ALDH1L2: variants seen among roughly 807,000 people sequenced by gnomAD.
ALDH1L2 encodes the protein aldehyde dehydrogenase 1 family member L2.
Under a neutral mutation model 111.0 loss-of-function variants are expected in ALDH1L2, and 91 were observed. That is an observed-to-expected ratio of 0.82 (90% CI 0.69 to 0.98). The LOEUF (loss-of-function observed/expected upper bound fraction) is 0.98. Ranked by LOEUF, ALDH1L2 falls within the 50% of genes least tolerant of loss-of-function variation. The pLI is 0.00. For missense variants in ALDH1L2, 995 were observed against 1,126.8 expected (o/e 0.88, Z 1.67); for synonymous variants, 374 against 392.6 (o/e 0.95, Z 0.56).
At chr12:105,032,298 C>T (rs1874755040) in intron 19 of ALDH1L2, among the ~76,000 whole-genome samples, 1 of 151,608 alleles carries the variant, frequency 6.6e-6, no homozygotes, top group South Asian at 2.1e-4. Flanking sequence ...ATGTCTCAGC[C>T]TCCTGAGTAG....
intron 18 of ALDH1L2, 113 bp from the exon 19 acceptor site, chr12:105,034,511 A>T (rs1438681988): frequency 3.6e-6 from 3 of 832,890 alleles, no homozygotes; most frequent in Non-Finnish European, 5.7e-6. Context: ...CAATATAGAT[A>T]AGTCACAGAC....
At chr12:105,061,487 G>C in intron 8 of ALDH1L2, 140 bp downstream of exon 8, 1 of 1,251,788 alleles carries the variant, frequency 8.0e-7, no homozygotes, top group Non-Finnish European at 1.1e-6. Flanking sequence ...TGAATTTGGA[G>C]GTTGATTTCC....
chr12:105,047,070 C>G (rs772373698), intron 13 of ALDH1L2, 101 bp from the exon 14 acceptor site: 48 of 1,333,010 alleles, frequency 3.6e-5, no homozygotes, highest in Non-Finnish European at 4.8e-5. Flanking sequence ...TTTTTGTTAG[C>G]TGATATGAAA....
At position 105,024,198 on chromosome 12, in the gene ALDH1L2, A is replaced by G; in HGVS notation, c.*226T>C. 1 of 595,920 alleles carries G rather than the reference A, an allele frequency of 1.7e-6. No homozygotes were observed. The highest frequency in any genetic ancestry group is 3.0e-6 in the Non-Finnish European group (1 of 334,602). 36.9% of individuals were successfully genotyped at this position (595,920 alleles called of 1,614,324 possible). A position where few individuals can be genotyped will look rare whatever the true frequency, so the allele number is the denominator to read the frequency against. ...TTGGTATTTTAGAAATACGTATGAT[A>G]TACAACATAGTCAAAATGCAACAAC... On this transcript the variant is annotated 3_prime_UTR_variant, in exon 23 of 23. Transcript: ENST00000258494.
At position 105,026,584 on chromosome 12, in the gene ALDH1L2, A is replaced by G. The variant is rs757590264; in HGVS notation, c.2677T>C (p.Phe893Leu). The change falls in exon 22 of 23, where the codon TTT becomes CTT. Residue 893 changes from phenylalanine to leucine, a missense_variant. By Grantham distance (22) the Phe-to-Leu change is conservative. Coordinates refer to ENST00000258494, the MANE Select transcript of ALDH1L2 (RefSeq NM_001034173.4). ...AAGCCAGATTGTTTAACTCCGCCAA[A>G]TGGGGCCGCCACATCTGTCTTGTTG... Reference protein sequence around the residue: ...TYNKTDVAAPFGGVKQSGFGK... With the variant: ...TYNKTDVAAPLGGVKQSGFGK... 2.4e-5 allele frequency: 39 copies of G among 1,614,008 alleles called. No homozygotes were observed. Among genetic ancestry groups the G allele is most frequent in the Non-Finnish European group, 3.1e-5 (37 of 1,180,000 alleles).
At chr12:105,040,487 G>T in intron 16 of ALDH1L2, 120 bp downstream of exon 16, 1 of 920,858 alleles carries the variant, frequency 1.1e-6, no homozygotes, top group Non-Finnish European at 1.8e-6. Context: ...ACTGTTTGGT[G>T]AATTGTATTT....
chr12:105,052,251 G>A (rs766197084), intron 11 of ALDH1L2, 34 bp from the exon 12 acceptor site: 8 of 1,537,064 alleles, frequency 5.2e-6, no homozygotes, highest in Non-Finnish European at 7.0e-6. Flanking sequence ...GGCCCCATGA[G>A]AGATATGAAA....
intron 18 of ALDH1L2, among the ~76,000 whole-genome samples, chr12:105,035,839 A>ATGTGTGTGTGTGTG (rs1159145670): frequency 2.0e-5 from 2 of 100,244 alleles, no homozygotes; most frequent in Non-Finnish European, 3.5e-5. Context: ...ATATATATAT[A>ATGTGTGTGTGTGTG]TGTGTGTGTG....
At chr12:105,070,458 T>C (rs1208766561) in intron 3 of ALDH1L2, 112 bp downstream of exon 3, 1 of 868,312 alleles carries the variant, frequency 1.2e-6, no homozygotes, top group Non-Finnish European at 1.7e-6. Flanking sequence ...AAATCTCAGC[T>C]ACTTGGGAGG....
At position 105,058,195 on chromosome 12, in the gene ALDH1L2, A is replaced by C; in HGVS notation, c.1165T>G (p.Cys389Gly). The change falls in exon 10 of 23, where the codon TGT becomes GGT. Residue 389 changes from cysteine (C) to glycine (G), a missense_variant. Coordinates refer to ENST00000258494, the MANE Select transcript of ALDH1L2 (RefSeq NM_001034173.4). ...TCATTCTGCAACTGAAGCCCACCAC[A>C]TTTCTGTCTGATCTCTTCAACCAGC... ...ARLVEEIRQK[C>G]GGLQLQNEDV... 1.9e-6 allele frequency: 3 copies of C among 1,609,738 alleles called. No individual in the cohort carries two copies. Among genetic ancestry groups the C allele is most frequent in the Non-Finnish European group, 2.5e-6 (3 of 1,178,520 alleles).
chr12:105,071,912 C>A (rs1245742105), intron 2 of ALDH1L2, among the ~76,000 whole-genome samples: 3 of 149,130 alleles, frequency 2.0e-5, no homozygotes, highest in African/African-American at 7.3e-5. Flanking sequence ...CATAATGAGA[C>A]CTCCATCTCT....
At chr12:105,056,570 ATTATAAAACTG>A (rs1244239854) in intron 10 of ALDH1L2, among the ~76,000 whole-genome samples, 1 of 152,094 alleles carries the variant, frequency 6.6e-6, no homozygotes, top group Non-Finnish European at 1.5e-5. Context: ...TAAAGCAATA[ATTATAAAACTG>A]TTGGTGGGCT....
At chr12:105,050,125 T>TATC (rs1876163386) in intron 12 of ALDH1L2, 67 bp from the exon 13 acceptor site, 1 of 1,416,820 alleles carries the variant, frequency 7.1e-7, no homozygotes, top group Non-Finnish European at 9.4e-7. Flanking sequence ...TATAATGCAG[T>TATC]ATCCTAAGGA....
At chr12:105,065,225 T>C (rs547443164) in intron 6 of ALDH1L2, 42 bp downstream of exon 6, 2 of 1,052,760 alleles carry the variant, frequency 1.9e-6, no homozygotes, top group Non-Finnish European at 2.6e-6. Context: ...ACAAAGGTAA[T>C]AATCGGGGAG....
rs183993101 is a variant in ALDH1L2 at position 105,063,253 on chromosome 12, G to T, written c.787-231C>A. ...GCACTTTGGGAGGCAGAGGCAGGCAGATCACGAGGTCAGGAGATCGAGACC... is the reference window on the plus strand; with the variant it reads ...GCACTTTGGGAGGCAGAGGCAGGCATATCACGAGGTCAGGAGATCGAGACC... On this transcript the variant is annotated intron_variant, in intron 6 of 22. Coordinates refer to ENST00000258494, the MANE Select transcript of ALDH1L2 (RefSeq NM_001034173.4). Among the ~76,000 whole-genome samples, 547 of 152,298 alleles carry T rather than the reference G, an allele frequency of 3.6e-3. 4 individuals are homozygous for T. The highest frequency in any genetic ancestry group is 0.012 in the African/African-American group (495 of 41,562).
rs1302278702 is a variant in ALDH1L2, at chr12:105,071,627, TATATATATATATATA to T, written c.194-838_194-824del. 5.6e-3 allele frequency among the ~76,000 whole-genome samples: 96 copies of T among 17,264 alleles called. 1 individual carries two copies. The highest frequency in any genetic ancestry group is 0.018 in the South Asian group (10 of 554). The allele number at this position is 17,264 out of a possible 152,430, so 11.3% of individuals were successfully genotyped here. ...TATATATAAGTAGTATATATATATA[TATATATATATATATA>T]TTTTTTTTTTTTTTTTTTTTTTTTT... On this transcript the variant is annotated intron_variant, in intron 2 of 22. Transcript: ENST00000258494.
At chr12:105,028,677 T>C (rs1339051960) in intron 21 of ALDH1L2, among the ~76,000 whole-genome samples, 2 of 152,178 alleles carry the variant, frequency 1.3e-5, no homozygotes, top group African/African-American at 2.4e-5. Context: ...ATTTATAGAA[T>C]GGACTAGAGG....
intron 1 of ALDH1L2, among the ~76,000 whole-genome samples, chr12:105,079,348 T>G (rs1167789294): frequency 1.3e-5 from 2 of 152,244 alleles, no homozygotes; most frequent in Non-Finnish European, 2.9e-5. Flanking sequence ...CAACTTGATG[T>G]TCCTATTGCC....
intron 21 of ALDH1L2, among the ~76,000 whole-genome samples, chr12:105,028,110 T>C (rs968810999): frequency 1.1e-4 from 17 of 152,066 alleles, no homozygotes; most frequent in African/African-American, 2.4e-5. Flanking sequence ...GCCAGGTTGT[T>C]GTTGTTGTTT....
Sources: gnomAD v4.1 joint callset for allele counts (sites outside exome capture counted in the v4.1 genomes callset) on GRCh38, gnomAD v4.1.1 for gene constraint, MANE v1.5 for transcripts, NCBI Gene and HGNC (gene_info 2026-07-23, HGNC 2026-07-21) for gene names.